The following DAPK2 variants were observed in gnomAD, a reference collection of about 807,000 sequenced individuals.
The protein encoded by DAPK2 is death associated protein kinase 2, also known as death-associated protein kinase 2.
In DAPK2, 35 loss-of-function variants were observed where a neutral mutation model predicts 44.1. The observed-to-expected ratio is 0.79, with a 90% CI of 0.61 to 1.05. DAPK2 has a LOEUF of 1.05. Among genes scored for constraint, DAPK2 ranks in the 50% least tolerant of loss-of-function variants. The pLI is 0.00. For synonymous variants in DAPK2, 174 were observed against 182.6 expected (o/e 0.95, Z 0.38); for missense variants, 453 against 483.2 (o/e 0.94, Z 0.59).
At chr15:64,005,409 C>T (rs2079199537) in intron 1 of DAPK2, among the ~76,000 whole-genome samples, 1 of 151,144 alleles carries the variant, frequency 6.6e-6, no homozygotes, top group Admixed American at 6.6e-5. Context: ...ACTTACCTTT[C>T]CTTGACCTAA....
chr15:64,031,204 T>A (rs866316076), intron 1 of DAPK2, among the ~76,000 whole-genome samples: 1 of 151,972 alleles, frequency 6.6e-6, no homozygotes, highest in African/African-American at 2.4e-5. Context: ...CAGGAAGTAC[T>A]CAGCACAGAT....
intron 3 of DAPK2, among the ~76,000 whole-genome samples, chr15:63,944,507 G>T (rs911751285): frequency 6.6e-6 from 1 of 152,160 alleles, no homozygotes; most frequent in African/African-American, 2.4e-5. Flanking sequence ...ACAGAGGGTA[G>T]GGACTAACAT....
At chr15:63,978,272 G>A (rs2078409647) in intron 2 of DAPK2, among the ~76,000 whole-genome samples, 1 of 152,158 alleles carries the variant, frequency 6.6e-6, no homozygotes, top group Non-Finnish European at 1.5e-5. Context: ...TCCACCCTTA[G>A]TCTGCCAGCC....
At chr15:64,002,013 AG>A (rs74569396) in intron 1 of DAPK2, among the ~76,000 whole-genome samples, 12,422 of 152,326 alleles carry the variant, frequency 0.082, 749 homozygotes, top group South Asian at 0.31. Context: ...TGTGAATAAA[AG>A]TAGCCCTTGA....
At chr15:64,009,095 G>T (rs977572902) in intron 1 of DAPK2, among the ~76,000 whole-genome samples, 2 of 152,028 alleles carry the variant, frequency 1.3e-5, no homozygotes, top group African/African-American at 4.8e-5. Context: ...CTCCATCATG[G>T]GATTCAGCCC....
At chr15:63,989,097 T>G (rs541815994) in intron 1 of DAPK2, among the ~76,000 whole-genome samples, 1 of 150,520 alleles carries the variant, frequency 6.6e-6, no homozygotes, top group East Asian at 2.0e-4. Flanking sequence ...TGAAAATCAC[T>G]TGAACTCAGG....
At chr15:63,922,610 G>C in intron 8 of DAPK2, 1 of 1,425,254 alleles carries the variant, frequency 7.0e-7, no homozygotes, top group Non-Finnish European at 9.1e-7. Context: ...TCTGTGGAGG[G>C]GCTGGAAGGC....
At chr15:64,006,230 G>A (rs1486150256) in intron 1 of DAPK2, among the ~76,000 whole-genome samples, 2 of 151,844 alleles carry the variant, frequency 1.3e-5, no homozygotes, top group East Asian at 3.9e-4. Context: ...TGATCCTTCC[G>A]CCACCAAAGC....
intron 1 of DAPK2, among the ~76,000 whole-genome samples, chr15:64,009,918 G>A (rs921398018): frequency 6.6e-6 from 1 of 152,168 alleles, no homozygotes; most frequent in Non-Finnish European, 1.5e-5. Flanking sequence ...GATGAGTAAC[G>A]ACAAAAGCAG....
chr15:63,988,536 G>A (rs1351877346), intron 1 of DAPK2, among the ~76,000 whole-genome samples: 1 of 145,672 alleles, frequency 6.9e-6, no homozygotes, highest in Non-Finnish European at 1.5e-5. Flanking sequence ...CTGGAGTCTC[G>A]CTCTGTTGCC....
chr15:63,986,503 C>A (rs1039267535), intron 1 of DAPK2, among the ~76,000 whole-genome samples: 2 of 152,150 alleles, frequency 1.3e-5, no homozygotes, highest in Admixed American at 1.3e-4. Flanking sequence ...TAACTCACTG[C>A]AGCCTCAAAC....
upstream of DAPK2, among the ~76,000 whole-genome samples, chr15:64,043,837 T>C (rs75179571): frequency 6.6e-6 from 1 of 152,222 alleles, no homozygotes; most frequent in African/African-American, 2.4e-5. Flanking sequence ...AGGGCAAGAA[T>C]TGTGACATTC....
intron 3 of DAPK2, among the ~76,000 whole-genome samples, chr15:63,940,517 C>T (rs1350524661): frequency 6.6e-6 from 1 of 152,054 alleles, no homozygotes. Flanking sequence ...TTGAGACCAG[C>T]CCGGCCAACA....
At chr15:64,039,399 C>G (rs958959844) in intron 1 of DAPK2, among the ~76,000 whole-genome samples, 2 of 152,200 alleles carry the variant, frequency 1.3e-5, no homozygotes, top group Non-Finnish European at 2.9e-5. Flanking sequence ...ACTGGCTCAG[C>G]AACTTTGGGC....
rs1268160926 is a variant in DAPK2, at chr15:63,922,871, A to AGCTGGAAGCT, written c.858+1944_858+1945insAGCTTCCAGC. On this transcript the variant is annotated intron_variant, in intron 8 of 10. Transcript: ENST00000261891. ...ACTCTCCAGCTGGAAGCTGCCCACC[A>AGCTGGAAGCT]GCTCCTGAATCCACTGCAGGTCTGC... 2.6e-6 allele frequency: 4 copies of AGCTGGAAGCT among 1,535,876 alleles called. No individual in the cohort carries two copies. In the East Asian group the frequency reaches 9.8e-5, roughly 38 times the overall value.
chr15:63,964,431 T>C (rs2077994406), intron 3 of DAPK2, among the ~76,000 whole-genome samples: 1 of 152,136 alleles, frequency 6.6e-6, no homozygotes, highest in Non-Finnish European at 1.5e-5. Flanking sequence ...GGGAGTTTGA[T>C]TATTATTTGG....
At chr15:63,977,824 G>A (rs2078395727) in intron 2 of DAPK2, among the ~76,000 whole-genome samples, 1 of 152,168 alleles carries the variant, frequency 6.6e-6, no homozygotes, top group African/African-American at 2.4e-5. Flanking sequence ...TAAGTGGCAG[G>A]ACCAGGATTT....
chr15:63,927,475 C>T (rs937015833), intron 6 of DAPK2, among the ~76,000 whole-genome samples: 1 of 152,174 alleles, frequency 6.6e-6, no homozygotes, highest in African/African-American at 2.4e-5. Flanking sequence ...CTCAATAAAC[C>T]TTCAGCAGTC....
At chr15:63,976,928 C>T (rs12594348) in intron 2 of DAPK2, among the ~76,000 whole-genome samples, 63,391 of 151,938 alleles carry the variant, frequency 0.42, 14,922 homozygotes, top group East Asian at 0.96. Flanking sequence ...TATTGGACAG[C>T]GCCAATAGGC....
Sources: allele counts gnomAD v4.1 joint callset (sites outside exome capture counted in the v4.1 genomes callset), GRCh38; gene constraint gnomAD v4.1.1; transcripts MANE v1.5; gene names NCBI Gene and HGNC (gene_info 2026-07-23, HGNC 2026-07-21).